The following ALMS1 variants were observed in gnomAD, a reference collection of about 807,000 sequenced individuals.
ALMS1 encodes ALMS1 centrosome and basal body associated protein, also known as centrosome-associated protein ALMS1.
Under a neutral mutation model 352.2 loss-of-function variants are expected in ALMS1, and 271 were observed. The ratio of observed to expected loss-of-function variants is 0.77; its 90% CI spans 0.70 to 0.85. The LOEUF is 0.85. Among genes scored for constraint, ALMS1 ranks in the 40% least tolerant of loss-of-function variants. The probability of loss-of-function intolerance (pLI) is 0.00; values close to 1 mark genes in which losing one functional copy is unlikely to be tolerated. For missense variants in ALMS1, 5,445 were observed against 4,870.7 expected, an observed-to-expected ratio of 1.12 and a Z score of -3.51; for synonymous variants, 1,865 against 1,761.2, an observed-to-expected ratio of 1.06 and a Z score of -1.48.
chr2:73,559,263 CT>C, intron 15 of ALMS1, 121 bp downstream of exon 15: 3 of 1,277,798 alleles, frequency 2.3e-6, no homozygotes, highest in African/African-American at 1.5e-5. Flanking sequence ...AATTCCTTTT[CT>C]TTTTTTAAAA....
rs756129835 is a variant in ALMS1 at position 73,557,377 on chromosome 2, G to T, written c.10213+23G>T. The T allele has an allele frequency of 7.4e-6, 12 of 1,613,612 alleles. No homozygotes were observed. The Admixed American group carries it at 1.5e-4, about 20-fold the overall frequency. On this transcript the variant is annotated intron_variant, in intron 14 of 22. Transcript: ENST00000613296. ...CAGGTAGCTAAACTGGATTGTCTGC[G>T]TATTATTTTCTTCTGGTCTTCTAAA...
intron 16 of ALMS1, among the ~76,000 whole-genome samples, chr2:73,591,382 T>G (rs889763167): frequency 6.6e-6 from 1 of 152,196 alleles, no homozygotes; most frequent in African/African-American, 2.4e-5. Flanking sequence ...CCAATAAAGA[T>G]TTTTAAATAA....
At chr2:73,605,252 G>A (rs778408927) in intron 21 of ALMS1, among the ~76,000 whole-genome samples, 21 of 152,198 alleles carry the variant, frequency 1.4e-4, no homozygotes, top group Non-Finnish European at 2.6e-4. Context: ...TAGAAAACTT[G>A]TATTCACCTC....
At chr2:73,458,204 C>T (rs1672112586) in intron 9 of ALMS1, 1 of 151,958 alleles carries the variant, frequency 6.6e-6, no homozygotes, top group African/African-American at 2.4e-5. Context: ...TCTAGATATG[C>T]CTTGTCCTTA....
chr2:73,608,563 C>T lies in ALMS1; in HGVS notation c.12451C>T (p.Leu4151=), dbSNP rs1558715426. The T allele has an allele frequency of 6.2e-7, 1 of 1,613,430 alleles. No homozygotes were observed. Among genetic ancestry groups the T allele is most frequent in the East Asian group, 2.2e-5 (1 of 44,870 alleles). ...TAAGTCATACCGGCTGCGAGCCCAG[C>T]TATATAAAAAGGTCAGTGGGTCCTC... ...EYKSYRLRAQ[L]YKKRVTNQLL... The change falls in exon 22 of 23, where the codon CTA becomes TTA. Residue 4151 remains leucine, a synonymous_variant. Transcript: ENST00000613296.
chr2:73,589,624 TGTTGGCTAA>T (rs1675383303), intron 16 of ALMS1, among the ~76,000 whole-genome samples: 1 of 152,252 alleles, frequency 6.6e-6, no homozygotes, highest in African/African-American at 2.4e-5. Flanking sequence ...ATTTTTGTTA[TGTTGGCTAA>T]GTTTTGTATT....
chr2:73,564,173 A>G (rs1312492317), intron 15 of ALMS1, among the ~76,000 whole-genome samples: 1 of 152,070 alleles, frequency 6.6e-6, no homozygotes, highest in Admixed American at 6.5e-5. Flanking sequence ...TTACCCATTT[A>G]AAATATGTAA....
chr2:73,545,139 A>T lies in ALMS1; in HGVS notation c.9908-5128A>T, dbSNP rs769887455. ...TTACATAACAGTGTGAATATACTTAATGCCACTGAAGTGTACACTTAAAAA... is the reference window on the plus strand; with the variant it reads ...TTACATAACAGTGTGAATATACTTATTGCCACTGAAGTGTACACTTAAAAA... On this transcript the variant is annotated intron_variant, in intron 12 of 22. Transcript: ENST00000613296. Among the ~76,000 whole-genome samples, 12 of 151,726 alleles carry T rather than the reference A, an allele frequency of 7.9e-5. 1 individual carries two copies. The highest frequency in any genetic ancestry group is 6.9e-3 in the Middle Eastern group (2 of 288).
At position 73,481,669 on chromosome 2, in the gene ALMS1, G is replaced by A. The variant is rs1314227151; in HGVS notation, c.7675-7965G>A. 4.6e-5 allele frequency among the ~76,000 whole-genome samples: 7 copies of A among 150,746 alleles called. No individual in the cohort carries two copies. In the East Asian group the frequency reaches 9.6e-4, roughly 21 times the overall value. ...TTGAATCTGTAAGTTACCTTGGGCC[G>A]TATGGCCATTTTCACGATATTGATT... On this transcript the variant is annotated intron_variant, in intron 9 of 22. Coordinates refer to ENST00000613296, the MANE Select transcript of ALMS1 (RefSeq NM_001378454.1).
At chr2:73,423,641 A>G (rs1268350054) in intron 4 of ALMS1, among the ~76,000 whole-genome samples, 1 of 151,810 alleles carries the variant, frequency 6.6e-6, no homozygotes, top group Non-Finnish European at 1.5e-5. Flanking sequence ...CTGTCCTTAT[A>G]CTATATATTT....
chr2:73,441,743 T>C (rs1572926748), intron 7 of ALMS1, among the ~76,000 whole-genome samples: 1 of 152,006 alleles, frequency 6.6e-6, no homozygotes, highest in Non-Finnish European at 1.5e-5. Context: ...AGTCTGGAGG[T>C]CCTTAGCTAG....
intron 9 of ALMS1, among the ~76,000 whole-genome samples, chr2:73,471,587 A>G (rs1305636843): frequency 6.6e-6 from 1 of 151,888 alleles, no homozygotes; most frequent in East Asian, 1.9e-4. Flanking sequence ...AGACATACAA[A>G]TGTGTAAGGT....
intron 11 of ALMS1, among the ~76,000 whole-genome samples, chr2:73,526,791 G>A (rs1277916115): frequency 1.3e-5 from 2 of 152,098 alleles, no homozygotes; most frequent in Admixed American, 1.3e-4. Flanking sequence ...CTCGAGCTAG[G>A]ACTTCCAGTG....
chr2:73,602,189 C>A lies in ALMS1; in HGVS notation c.12119C>A (p.Ser4040Ter). The A allele has an allele frequency of 6.2e-7, 1 of 1,613,564 alleles. No homozygotes were observed. Among genetic ancestry groups the A allele is most frequent in the Non-Finnish European group, 8.5e-7 (1 of 1,179,742 alleles). Reference sequence around the variant, plus strand: ...TCTCTTTTTTTTTTCTTTTAGGAATCGCTTCAGTTTCACAGACCTGACTTC... The same window carrying A: ...TCTCTTTTTTTTTTCTTTTAGGAATAGCTTCAGTTTCACAGACCTGACTTC... Reference protein sequence around the residue: ...RPFVRATLQESLQFHRPDFIS... With the variant: ...RPFVRATLQE Residue 4040 changes from serine (S) to a stop codon, truncating the protein, a stop_gained, in exon 20 of 23, where the codon TCG becomes TAG. Transcript: ENST00000613296. LOFTEE classifies it high-confidence loss of function.
intron 9 of ALMS1, among the ~76,000 whole-genome samples, chr2:73,461,974 T>C (rs970989492): frequency 9.2e-5 from 14 of 151,986 alleles, no homozygotes; most frequent in African/African-American, 3.4e-4. Flanking sequence ...CAAATCTACG[T>C]CTGATTGGTG....
At chr2:73,564,332 G>A (rs1173282145) in intron 15 of ALMS1, among the ~76,000 whole-genome samples, 2 of 151,776 alleles carry the variant, frequency 1.3e-5, no homozygotes, top group Non-Finnish European at 2.9e-5. Flanking sequence ...CGGGCATGGC[G>A]GTGCATGCCG....
At chr2:73,491,519 A>G in intron 10 of ALMS1, 21 bp downstream of exon 10, 2 of 1,612,410 alleles carry the variant, frequency 1.2e-6, no homozygotes, top group East Asian at 2.2e-5. Flanking sequence ...TTGTGATAAC[A>G]AGCAAGCTGG....
chr2:73,466,577 C>T (rs974944865), intron 9 of ALMS1, among the ~76,000 whole-genome samples: 1 of 151,874 alleles, frequency 6.6e-6, no homozygotes, highest in African/African-American at 2.4e-5. Context: ...ACCAACATGG[C>T]ACTTGTATAC....
Position 73,496,491 on chromosome 2 carries a change from G to A in ALMS1, c.9539+4993G>A, listed in dbSNP as rs1673111116. The stretch of plus-strand genomic sequence containing the variant: ...TTTGTTTATCCATTCACTCACTGAA[G>A]GATATTTGAGTTGTTTCTAGTTTGG... On this transcript the variant is annotated intron_variant, in intron 10 of 22. Coordinates refer to ENST00000613296, the MANE Select transcript of ALMS1 (RefSeq NM_001378454.1). Among the ~76,000 whole-genome samples the A allele has an allele frequency of 2.6e-5, 4 of 152,144 alleles. No homozygotes were observed. The South Asian group carries it at 8.3e-4, about 32-fold the overall frequency.
Sources: gnomAD v4.1 joint callset for allele counts (sites outside exome capture counted in the v4.1 genomes callset) on GRCh38, gnomAD v4.1.1 for gene constraint, MANE v1.5 for transcripts, NCBI Gene and HGNC (gene_info 2026-07-23, HGNC 2026-07-21) for gene names.